Variants in MTR observed in about 807,000 individuals in gnomAD.
MTR encodes the protein 5-methyltetrahydrofolate-homocysteine methyltransferase.
Under a neutral mutation model 154.8 loss-of-function variants are expected in MTR, and 84 were observed. The observed-to-expected ratio is 0.54, with a 90% CI of 0.45 to 0.65. The LOEUF (loss-of-function observed/expected upper bound fraction) is 0.65, where lower values mean the gene tolerates loss of function less well. Ranked by LOEUF, MTR falls within the 30% of genes least tolerant of loss-of-function variation. The pLI, the probability that MTR is intolerant of heterozygous loss-of-function variation, is 0.00. For synonymous variants in MTR, 554 were observed against 553.9 expected (o/e 1.00, Z 0.00); for missense variants, 1,275 against 1,570.2 (o/e 0.81, Z 3.18).
chr1:236,799,261 A>G lies in MTR; in HGVS notation c.34+3524A>G, dbSNP rs1011744334. Reference sequence around the variant, plus strand: ...CTCAGCCTTACTAGTAGCTGGGACTACAGGTGCATACTACCAGGCTTGGCT... The same window carrying G: ...CTCAGCCTTACTAGTAGCTGGGACTGCAGGTGCATACTACCAGGCTTGGCT... On this transcript the variant is annotated intron_variant, in intron 1 of 32. Coordinates refer to ENST00000366577, the MANE Select transcript of MTR (RefSeq NM_000254.3). Among the ~76,000 whole-genome samples the G allele has an allele frequency of 7.2e-5, 11 of 151,954 alleles. No homozygotes were observed. In the East Asian group the frequency reaches 1.2e-3, roughly 16 times the overall value.
Position 236,898,407 on chromosome 1 carries a change from T to G in MTR, c.*763T>G, listed in dbSNP as rs1572355526. The G allele has an allele frequency of 6.6e-6, 1 of 150,490 alleles. No homozygotes were observed. The highest frequency in any genetic ancestry group is 1.9e-4 in the East Asian group (1 of 5,144). The allele number at this position is 150,490 out of a possible 1,614,324, so 9.3% of individuals were successfully genotyped here. On this transcript the variant is annotated 3_prime_UTR_variant, in exon 33 of 33. Transcript: ENST00000366577. ...TTTTTTGTTTTGTTTTGTTTTGGTT[T>G]TTTTTTTTTTGAGACAGAGTCTGGC...
intron 22 of MTR, among the ~76,000 whole-genome samples, chr1:236,868,215 G>A (rs1406254659): frequency 6.6e-6 from 1 of 152,084 alleles, no homozygotes; most frequent in African/African-American, 2.4e-5. Flanking sequence ...TGAACATCAA[G>A]TCAAGACCCT....
rs113824056 is a variant in MTR at position 236,894,116 on chromosome 1, T to C, written c.3205-241T>C. ...TGTCTTGACAATTTATGTTACGTCA[T>C]GTCATACATTTTTTAAAAATCTCAT... On this transcript the variant is annotated intron_variant, in intron 29 of 32. Coordinates refer to ENST00000366577, the MANE Select transcript of MTR (RefSeq NM_000254.3). Among the ~76,000 whole-genome samples the C allele has an allele frequency of 4.7e-3, 709 of 152,326 alleles. 12 individuals are homozygous for C. The highest frequency in any genetic ancestry group is 0.016 in the African/African-American group (684 of 41,572).
intron 28 of MTR, 82 bp downstream of exon 28, chr1:236,889,418 G>T (rs1405727851): frequency 1.9e-6 from 3 of 1,576,970 alleles, no homozygotes; most frequent in Non-Finnish European, 2.6e-6. Flanking sequence ...TCGGTGAGGA[G>T]CAGTGGATTT....
At chr1:236,834,546 T>C (rs1393005422) in intron 13 of MTR, among the ~76,000 whole-genome samples, 2 of 152,236 alleles carry the variant, frequency 1.3e-5, no homozygotes, top group African/African-American at 4.8e-5. Context: ...ATGTGGTGTT[T>C]CCTTGTAGCA....
chr1:236,896,087 A>T (rs4659743), intron 31 of MTR, among the ~76,000 whole-genome samples: 109,421 of 152,158 alleles, frequency 0.72, 40,628 homozygotes, highest in African/African-American at 0.91. Context: ...TTGATTCTAA[A>T]AGCTGAAAAT....
intron 5 of MTR, among the ~76,000 whole-genome samples, chr1:236,811,066 GTT>G (rs975056016): frequency 3.3e-5 from 5 of 152,208 alleles, no homozygotes; most frequent in Non-Finnish European, 7.3e-5. Flanking sequence ...TGGACTTACA[GTT>G]CCATGTGGCT....
intron 12 of MTR, among the ~76,000 whole-genome samples, chr1:236,829,608 T>C (rs776729873): frequency 4.6e-5 from 7 of 152,238 alleles, no homozygotes; most frequent in Non-Finnish European, 1.0e-4. Context: ...TTGATACTAG[T>C]TACTGAAAAT....
chr1:236,840,716 A>G lies in MTR; in HGVS notation c.1515+2117A>G, dbSNP rs116432419. On this transcript the variant is annotated intron_variant, in intron 15 of 32. Transcript: ENST00000366577. ...TCCCATATTAGTGGATTAAAACTCC[A>G]TGTTTTCTGGTTGCATTGCATTCCA... Among the ~76,000 whole-genome samples, 406 of 152,266 alleles carry G rather than the reference A, an allele frequency of 2.7e-3. 1 individual carries two copies. Among genetic ancestry groups the G allele is most frequent in the African/African-American group, 9.2e-3 (382 of 41,540 alleles).
At chr1:236,890,147 CG>C (rs542478647) in intron 28 of MTR, among the ~76,000 whole-genome samples, 3 of 144,764 alleles carry the variant, frequency 2.1e-5, no homozygotes, top group African/African-American at 4.9e-5. Context: ...AAGTTTCCCA[CG>C]GGGGGGCGTG....
At position 236,899,174 on chromosome 1, in the gene MTR, T is replaced by A. The variant is rs1226080204; in HGVS notation, c.*1530T>A. 1 of 152,200 alleles carries A rather than the reference T, an allele frequency of 6.6e-6. No individual in the cohort carries two copies. Among genetic ancestry groups the A allele is most frequent in the Non-Finnish European group, 1.5e-5 (1 of 68,024 alleles). 9.4% of individuals were successfully genotyped at this position (152,200 alleles called of 1,614,324 possible). Reference sequence around the variant, plus strand: ...ATTTTCAATGGAAATTCCAACAGATTTTATTGAATGAAACAAGCAGGTGTT... The same window carrying A: ...ATTTTCAATGGAAATTCCAACAGATATTATTGAATGAAACAAGCAGGTGTT... On this transcript the variant is annotated 3_prime_UTR_variant, in exon 33 of 33. Coordinates refer to ENST00000366577, the MANE Select transcript of MTR (RefSeq NM_000254.3).
chr1:236,847,661 T>A (rs959263690), intron 15 of MTR, among the ~76,000 whole-genome samples: 2 of 152,232 alleles, frequency 1.3e-5, no homozygotes, highest in African/African-American at 4.8e-5. Flanking sequence ...CTCACCTGGC[T>A]TTATATTAGC....
intron 15 of MTR, among the ~76,000 whole-genome samples, chr1:236,849,264 C>T (rs1663761784): frequency 6.6e-6 from 1 of 152,170 alleles, no homozygotes; most frequent in Admixed American, 6.5e-5. Flanking sequence ...AGGCACTGCT[C>T]AGGGCACTGG....
At chr1:236,870,428 ATG>A (rs1159887645) in intron 22 of MTR, among the ~76,000 whole-genome samples, 1 of 152,140 alleles carries the variant, frequency 6.6e-6, no homozygotes, top group Non-Finnish European at 1.5e-5. Context: ...CACTGTCTAG[ATG>A]TGTGTTTCTC....
Position 236,853,031 on chromosome 1 carries a change from A to G in MTR, c.1896A>G (p.Glu632=). The G allele has an allele frequency of 6.2e-7, 1 of 1,614,104 alleles. No individual in the cohort carries two copies. Among genetic ancestry groups the G allele is most frequent in the Non-Finnish European group, 8.5e-7 (1 of 1,179,968 alleles). ...ATAAGGAACTTCTGCAGCTCTGTGAAGATCTCATCTGGAATAAAGACCCTG... is the reference window on the plus strand; with the variant it reads ...ATAAGGAACTTCTGCAGCTCTGTGAGGATCTCATCTGGAATAAAGACCCTG... ...DIHKELLQLC[E]DLIWNKDPEA... The change falls in exon 18 of 33, where the codon GAA becomes GAG. Residue 632 remains glutamate, a synonymous_variant. Transcript: ENST00000366577.
rs575372849 is a variant in MTR, at chr1:236,864,023, C to T, written c.2405+469C>T. Among the ~76,000 whole-genome samples, 8 of 152,128 alleles carry T rather than the reference C, an allele frequency of 5.3e-5. No individual in the cohort carries two copies. In the East Asian group the frequency reaches 1.5e-3, roughly 29 times the overall value. On this transcript the variant is annotated intron_variant, in intron 22 of 32. Transcript: ENST00000366577. ...AGTTGGCTTTGCTTAGAGCCAGGAC[C>T]CTGTGTTCTTGGTGATTAAGCTAGA...
In MTR at chr1:236,896,607, G is replaced by A. The variant is rs112522608; in HGVS notation, c.3599-399G>A. On this transcript the variant is annotated intron_variant, in intron 31 of 32. Transcript: ENST00000366577. ...TCCTTCTTCACTGGAGCTCTCAGTC[G>A]TCCCTAGTATCAGTGGCCGCACAGA... is the stretch of plus-strand genomic sequence containing the variant. Among the ~76,000 whole-genome samples the A allele has an allele frequency of 1.5e-4, 23 of 152,262 alleles. 1 individual carries two copies. In the South Asian group the frequency reaches 4.1e-3, roughly 27 times the overall value.
chr1:236,802,748 A>G lies in MTR; in HGVS notation c.35-680A>G, dbSNP rs116639284. Among the ~76,000 whole-genome samples the G allele has an allele frequency of 3.5e-3, 538 of 152,296 alleles. 3 individuals are homozygous for G. The highest frequency in any genetic ancestry group is 6.8e-3 in the Middle Eastern group (2 of 294). On this transcript the variant is annotated intron_variant, in intron 1 of 32. Transcript: ENST00000366577. Reference sequence around the variant, plus strand: ...AGGGAGGTCAAGAAAAGGTGAACCAAAGGAGGCTGAACGTTGCAAGTTTTC... The same window carrying G: ...AGGGAGGTCAAGAAAAGGTGAACCAGAGGAGGCTGAACGTTGCAAGTTTTC...
intron 29 of MTR, among the ~76,000 whole-genome samples, chr1:236,892,289 T>A (rs140007424): frequency 6.6e-6 from 1 of 152,038 alleles, no homozygotes; most frequent in African/African-American, 2.4e-5. Context: ...CCCGGCAAGA[T>A]GGCAAGACCC....
Sources: gnomAD v4.1 joint callset for allele counts (sites outside exome capture counted in the v4.1 genomes callset) on GRCh38, gnomAD v4.1.1 for gene constraint, MANE v1.5 for transcripts, NCBI Gene and HGNC (gene_info 2026-07-23, HGNC 2026-07-21) for gene names.